ARFGEF1: variants seen among roughly 807,000 people sequenced by gnomAD.
ARFGEF1 encodes brefeldin A-inhibited guanine nucleotide-exchange protein 1.
Under a neutral mutation model 231.0 loss-of-function variants are expected in ARFGEF1, and 42 were observed. That is an observed-to-expected ratio of 0.18 (90% CI 0.14 to 0.24). ARFGEF1 has a LOEUF of 0.24. ARFGEF1 is among the 10% of genes least tolerant of loss of function. The probability of loss-of-function intolerance (pLI) is 1.00; values close to 1 mark genes in which losing one functional copy is unlikely to be tolerated. For missense variants in ARFGEF1, 1,345 were observed against 2,192.0 expected (o/e 0.61, Z 7.72); for synonymous variants, 710 against 732.3 (o/e 0.97, Z 0.49).
intron 1 of ARFGEF1, among the ~76,000 whole-genome samples, chr8:67,325,779 G>A (rs183912465): frequency 6.6e-6 from 1 of 152,168 alleles, no homozygotes; most frequent in Non-Finnish European, 1.5e-5. Flanking sequence ...GGGCAAAGAA[G>A]GGAAGGAAGA....
At chr8:67,254,062 C>T (rs1431850971) in intron 17 of ARFGEF1, among the ~76,000 whole-genome samples, 1 of 152,178 alleles carries the variant, frequency 6.6e-6, no homozygotes, top group Non-Finnish European at 1.5e-5. Context: ...AGTAACAATA[C>T]TTGAGATTTA....
At chr8:67,326,758 T>G (rs1352426683) in intron 1 of ARFGEF1, among the ~76,000 whole-genome samples, 2 of 152,236 alleles carry the variant, frequency 1.3e-5, no homozygotes, top group Non-Finnish European at 2.9e-5. Flanking sequence ...GATGTTTAAC[T>G]AACCAATGTT....
In ARFGEF1 at chr8:67,320,223, CAAAAA is replaced by C. The variant is rs544834392; in HGVS notation, c.125-17762_125-17758del. Among the ~76,000 whole-genome samples the C allele has an allele frequency of 8.8e-5, 4 of 45,240 alleles. 1 individual carries two copies. The highest frequency in any genetic ancestry group is 2.4e-4 in the African/African-American group (3 of 12,378). 29.7% of individuals were successfully genotyped at this position (45,240 alleles called of 152,430 possible). On this transcript the variant is annotated intron_variant, in intron 1 of 38. Coordinates refer to ENST00000262215, the MANE Select transcript of ARFGEF1 (RefSeq NM_006421.5). ...TGGGTGAAAGAGCAAAACGCTATCTCAAAAAAAAAAAAAAAAAAAAAAAAAAAGTG... is the reference window on the plus strand; with the variant it reads ...TGGGTGAAAGAGCAAAACGCTATCTCAAAAAAAAAAAAAAAAAAAAAAGTG...
intron 5 of ARFGEF1, among the ~76,000 whole-genome samples, chr8:67,188,238 C>T (rs1376812797): frequency 6.6e-6 from 1 of 152,220 alleles, no homozygotes; most frequent in Non-Finnish European, 1.5e-5. Context: ...TTGCACCACA[C>T]ATCACCATAC....
intron 23 of ARFGEF1, among the ~76,000 whole-genome samples, chr8:67,228,664 G>A (rs990239000): frequency 2.6e-5 from 4 of 151,938 alleles, no homozygotes; most frequent in South Asian, 2.1e-4. Flanking sequence ...AAAATTTGAC[G>A]TATTTTTACC....
At chr8:67,301,137 T>C in intron 3 of ARFGEF1, 87 bp downstream of exon 3, 1 of 1,275,612 alleles carries the variant, frequency 7.8e-7, no homozygotes, top group Non-Finnish European at 1.1e-6. Context: ...AAAGCTTTCA[T>C]GGAAATGTCT....
At chr8:67,330,780 T>C (rs944199494) in intron 1 of ARFGEF1, among the ~76,000 whole-genome samples, 6 of 152,206 alleles carry the variant, frequency 3.9e-5, no homozygotes, top group Non-Finnish European at 7.4e-5. Flanking sequence ...TAAGCTTTGC[T>C]TGTCACTGCA....
intron 6 of ARFGEF1, among the ~76,000 whole-genome samples, chr8:67,288,477 A>G (rs764988968): frequency 6.6e-6 from 1 of 151,738 alleles, no homozygotes; most frequent in Admixed American, 6.6e-5. Flanking sequence ...TCATGCCTGT[A>G]ATTTCAGCAA....
At chr8:67,292,249 C>T in intron 5 of ARFGEF1, 126 bp from the exon 6 acceptor site, 1 of 781,390 alleles carries the variant, frequency 1.3e-6, no homozygotes, top group Non-Finnish European at 2.0e-6. Flanking sequence ...TAAAGTTTAT[C>T]AGAAATGGAG....
At chr8:67,306,928 G>A (rs958336790) in intron 1 of ARFGEF1, among the ~76,000 whole-genome samples, 18 of 152,072 alleles carry the variant, frequency 1.2e-4, no homozygotes, top group East Asian at 1.9e-4. Flanking sequence ...CGGGGTGCCC[G>A]CCACCAAGCA....
chr8:67,200,501 T>C lies in ARFGEF1; in HGVS notation c.5280A>G (p.Glu1760=), dbSNP rs1838288559. 5 of 1,588,496 alleles carry C rather than the reference T, an allele frequency of 3.1e-6. No individual in the cohort carries two copies. The highest frequency in any genetic ancestry group is 2.2e-5 in the East Asian group (1 of 44,748). ...VQQRLLNVCS[E]ALSYFLTLTS... is the part of the protein sequence containing the mutation. The stretch of plus-strand genomic sequence containing the variant: ...TTAGAGTGAGGAAGTAACTTAGTGC[T>C]TCACTGCAGACACTGCAAAAGAAAA... The change falls in exon 38 of 39, where the codon GAA becomes GAG. Residue 1760 remains glutamate (E), a synonymous_variant. Transcript: ENST00000262215.
intron 35 of ARFGEF1, among the ~76,000 whole-genome samples, chr8:67,204,009 T>C (rs898249233): frequency 1.3e-5 from 2 of 152,068 alleles, no homozygotes; most frequent in Admixed American, 1.3e-4. Context: ...CTACAGTCAG[T>C]TTTTCTCTCC....
At chr8:67,220,897 CTTTT>C (rs60939328) in intron 29 of ARFGEF1, among the ~76,000 whole-genome samples, 1 of 140,272 alleles carries the variant, frequency 7.1e-6, no homozygotes, top group African/African-American at 2.6e-5. Flanking sequence ...TTTTCCTTTT[CTTTT>C]TTTTTTTTTT....
chr8:67,177,345 T>A (rs1283559201), intron 5 of ARFGEF1, among the ~76,000 whole-genome samples: 2 of 152,198 alleles, frequency 1.3e-5, no homozygotes, highest in Non-Finnish European at 2.9e-5. Context: ...GAGCCCCTGT[T>A]TAACTCCATG....
chr8:67,281,712 A>G (rs1333693410), intron 7 of ARFGEF1, among the ~76,000 whole-genome samples: 1 of 152,092 alleles, frequency 6.6e-6, no homozygotes, highest in Non-Finnish European at 1.5e-5. Context: ...AACTTTTAGA[A>G]ATAATATGAG....
At chr8:67,273,877 T>C (rs113801522) in intron 9 of ARFGEF1, among the ~76,000 whole-genome samples, 97 of 152,320 alleles carry the variant, frequency 6.4e-4, no homozygotes, top group African/African-American at 2.1e-3. Flanking sequence ...CTTCCTATTC[T>C]AGCTCACATT....
At chr8:67,331,681 T>C (rs895009051) in intron 1 of ARFGEF1, among the ~76,000 whole-genome samples, 8 of 151,966 alleles carry the variant, frequency 5.3e-5, no homozygotes, top group Admixed American at 2.0e-4. Flanking sequence ...AAAGTACAGA[T>C]ATCCTAACTA....
At chr8:67,188,746 C>T (rs543397557) in intron 5 of ARFGEF1, among the ~76,000 whole-genome samples, 4 of 152,276 alleles carry the variant, frequency 2.6e-5, no homozygotes, top group African/African-American at 4.8e-5. Context: ...TCTGATCCAG[C>T]GGGGTGGCAC....
intron 5 of ARFGEF1, among the ~76,000 whole-genome samples, chr8:67,178,858 G>A (rs1230281549): frequency 6.6e-6 from 1 of 152,186 alleles, no homozygotes; most frequent in Non-Finnish European, 1.5e-5. Flanking sequence ...TTTGACACTT[G>A]TGCATGTGAT....
Sources: gnomAD v4.1 joint callset for allele counts (sites outside exome capture counted in the v4.1 genomes callset) on GRCh38, gnomAD v4.1.1 for gene constraint, MANE v1.5 for transcripts, NCBI Gene and HGNC (gene_info 2026-07-23, HGNC 2026-07-21) for gene names.